The following ROBO1 variants were observed in gnomAD, a reference collection of about 807,000 sequenced individuals.
The protein encoded by ROBO1 is roundabout guidance receptor 1.
A neutral mutation model predicts 195.9 loss-of-function variants in ROBO1; 149 were observed. The ratio of observed to expected loss-of-function variants is 0.76; its 90% CI spans 0.67 to 0.87. ROBO1 has a LOEUF of 0.87. Among genes scored for constraint, ROBO1 ranks in the 40% least tolerant of loss-of-function variants. The pLI is 0.00. For synonymous variants in ROBO1, 816 were observed against 733.2 expected (o/e 1.11, Z -1.82); for missense variants, 1,933 against 2,068.3 (o/e 0.93, Z 1.27).
At chr3:78,704,261 A>C (rs529814408) in intron 8 of ROBO1, among the ~76,000 whole-genome samples, 26 of 152,288 alleles carry the variant, frequency 1.7e-4, no homozygotes, top group African/African-American at 6.3e-4. Flanking sequence ...TGAAGTCTAC[A>C]TCAAAGAAAG....
At chr3:79,089,846 A>T (rs147700815) in intron 3 of ROBO1, among the ~76,000 whole-genome samples, 2 of 151,496 alleles carry the variant, frequency 1.3e-5, no homozygotes, top group Non-Finnish European at 1.5e-5. Flanking sequence ...CTATTTTTCT[A>T]TTGGCGTTGT....
chr3:79,505,838 A>C (rs1026240047), intron 2 of ROBO1, among the ~76,000 whole-genome samples: 1 of 152,200 alleles, frequency 6.6e-6, no homozygotes, highest in African/African-American at 2.4e-5. Context: ...TTTAAGATTT[A>C]GCTTCAGGGA....
At chr3:79,126,909 G>T (rs887931156) in intron 2 of ROBO1, among the ~76,000 whole-genome samples, 5 of 151,176 alleles carry the variant, frequency 3.3e-5, no homozygotes, top group African/African-American at 9.7e-5. Context: ...AGTCCACTTG[G>T]TTTTTTCATG....
At chr3:78,922,783 T>C (rs2039014893) in intron 4 of ROBO1, among the ~76,000 whole-genome samples, 1 of 151,878 alleles carries the variant, frequency 6.6e-6, no homozygotes. Context: ...CTAACTTTTG[T>C]ATTTTTAGTA....
At chr3:79,617,820 CAAA>C (rs60181598) in intron 1 of ROBO1, among the ~76,000 whole-genome samples, 1 of 57,914 alleles carries the variant, frequency 1.7e-5, no homozygotes, top group East Asian at 5.5e-4. Context: ...GACTCTGTCT[CAAA>C]AAAAAAAAAA....
chr3:79,408,573 G>A (rs966255632), intron 2 of ROBO1, among the ~76,000 whole-genome samples: 1 of 151,982 alleles, frequency 6.6e-6, no homozygotes, highest in African/African-American at 2.4e-5. Flanking sequence ...AAAATTGAGA[G>A]TGATATGGTG....
intron 2 of ROBO1, among the ~76,000 whole-genome samples, chr3:79,240,300 T>G (rs1375718355): frequency 6.6e-6 from 1 of 152,194 alleles, no homozygotes; most frequent in African/African-American, 2.4e-5. Context: ...TGCAAATGAC[T>G]AGGATTTCCT....
intron 4 of ROBO1, among the ~76,000 whole-genome samples, chr3:78,809,174 G>A (rs1332044123): frequency 6.6e-6 from 1 of 151,720 alleles, no homozygotes; most frequent in Non-Finnish European, 1.5e-5. Context: ...ATCAAAAAGT[G>A]GGCAAAGGAT....
chr3:79,245,584 C>T (rs1051824322), intron 2 of ROBO1, among the ~76,000 whole-genome samples: 5 of 151,560 alleles, frequency 3.3e-5, no homozygotes, highest in Non-Finnish European at 7.4e-5. Flanking sequence ...CACAGAAAAA[C>T]GCAGTTAAAA....
intron 1 of ROBO1, among the ~76,000 whole-genome samples, chr3:79,757,444 C>G (rs572176734): frequency 6.6e-6 from 1 of 151,546 alleles, no homozygotes; most frequent in East Asian, 1.9e-4. Context: ...AGAACCAGCC[C>G]CAATTTTTTA....
chr3:78,655,441 A>AC (rs1706945403), intron 18 of ROBO1, among the ~76,000 whole-genome samples: 1 of 152,116 alleles, frequency 6.6e-6, no homozygotes, highest in Non-Finnish European at 1.5e-5. Context: ...TCCCCCTGCT[A>AC]CAGGCCCAGG....
chr3:78,816,473 C>G (rs1356000882), intron 4 of ROBO1, among the ~76,000 whole-genome samples: 1 of 152,026 alleles, frequency 6.6e-6, no homozygotes, highest in South Asian at 2.1e-4. Context: ...GGATTTCAAG[C>G]CTTATTATTT....
chr3:79,550,197 A>G (rs1576008821), intron 2 of ROBO1, among the ~76,000 whole-genome samples: 1 of 19,298 alleles, frequency 5.2e-5, no homozygotes, highest in Non-Finnish European at 1.3e-4. Flanking sequence ...GAAAGAAAGG[A>G]AAAGAAAAGA....
chr3:79,579,469 T>C (rs1392929284), intron 2 of ROBO1, among the ~76,000 whole-genome samples: 1 of 152,196 alleles, frequency 6.6e-6, no homozygotes, highest in Non-Finnish European at 1.5e-5. Context: ...GCTTGTCATC[T>C]ACCAAACTAG....
rs188456519 is a variant in ROBO1 at position 79,464,116 on chromosome 3, T to C, written c.88+125708A>G. Among the ~76,000 whole-genome samples the C allele has an allele frequency of 2.6e-3, 391 of 152,354 alleles. 2 individuals are homozygous for C. Among genetic ancestry groups the C allele is most frequent in the African/African-American group, 8.1e-3 (336 of 41,576 alleles). ...TGTTGTAGCATGCATCAGATCTTAA[T>C]TCCCTTTAATTGGCCCAAAAATACA... On this transcript the variant is annotated intron_variant, in intron 2 of 30. Transcript: ENST00000464233.
At chr3:79,595,619 A>C (rs2107840944) in intron 1 of ROBO1, among the ~76,000 whole-genome samples, 1 of 150,810 alleles carries the variant, frequency 6.6e-6, no homozygotes, top group African/African-American at 2.4e-5. Flanking sequence ...GCAACCTTTA[A>C]CTCCAGTGCC....
intron 4 of ROBO1, among the ~76,000 whole-genome samples, chr3:78,768,799 T>TCCCTCCC (rs1467690813): frequency 8.5e-5 from 10 of 118,252 alleles, no homozygotes; most frequent in Non-Finnish European, 1.7e-4. Flanking sequence ...CCCAATGCTA[T>TCCCTCCC]CCCTCCCCCC....
At position 79,162,315 on chromosome 3, in the gene ROBO1, T is replaced by C. The variant is rs183836354; in HGVS notation, c.89-36776A>G. Among the ~76,000 whole-genome samples the C allele has an allele frequency of 9.7e-4, 147 of 152,056 alleles. 1 individual carries two copies. The highest frequency in any genetic ancestry group is 3.4e-3 in the Middle Eastern group (1 of 294). On this transcript the variant is annotated intron_variant, in intron 2 of 30. Coordinates refer to ENST00000464233, the MANE Select transcript of ROBO1 (RefSeq NM_002941.4). ...ATCCAAAATATTGCCAAGAATTTAA[T>C]AGGAGGAAAGAAGGGATAGAAACAT...
At chr3:79,310,918 T>G (rs929922746) in intron 2 of ROBO1, among the ~76,000 whole-genome samples, 6 of 152,240 alleles carry the variant, frequency 3.9e-5, no homozygotes, top group Non-Finnish European at 7.3e-5. Flanking sequence ...GAAACACTTG[T>G]CCAAAGTGTA....
Sources: gnomAD v4.1 joint callset for allele counts (sites outside exome capture counted in the v4.1 genomes callset) on GRCh38, gnomAD v4.1.1 for gene constraint, MANE v1.5 for transcripts, NCBI Gene and HGNC (gene_info 2026-07-23, HGNC 2026-07-21) for gene names.